The following KIAA1217 variants were observed in gnomAD, a reference collection of about 807,000 sequenced individuals.
KIAA1217 encodes the protein KIAA1217, also known as sickle tail protein homolog.
A neutral mutation model predicts 163.9 loss-of-function variants in KIAA1217; 88 were observed. That is an observed-to-expected ratio of 0.54 (90% CI 0.45 to 0.64). KIAA1217 has a LOEUF of 0.64. Among genes scored for constraint, KIAA1217 ranks in the 30% least tolerant of loss-of-function variants. KIAA1217 has a pLI of 0.00. For synonymous variants in KIAA1217, 903 were observed against 923.1 expected (o/e 0.98, Z 0.39); for missense variants, 2,372 against 2,475.0 (o/e 0.96, Z 0.88).
chr10:23,842,968 T>C (rs1392748690), intron 1 of KIAA1217, among the ~76,000 whole-genome samples: 1 of 152,172 alleles, frequency 6.6e-6, no homozygotes, highest in African/African-American at 2.4e-5. Flanking sequence ...TAAAAATTAT[T>C]ATCTTGGTTT....
chr10:23,861,386 G>C (rs1839943216), intron 1 of KIAA1217, among the ~76,000 whole-genome samples: 1 of 152,202 alleles, frequency 6.6e-6, no homozygotes, highest in South Asian at 2.1e-4. Flanking sequence ...TAAGCAGTGA[G>C]ATAGGCAGAA....
intron 2 of KIAA1217, among the ~76,000 whole-genome samples, chr10:24,042,802 A>C (rs1261969740): frequency 6.6e-6 from 1 of 152,206 alleles, no homozygotes; most frequent in African/African-American, 2.4e-5. Flanking sequence ...TCATAATCCA[A>C]TCATATTCAA....
chr10:24,419,743 G>A (rs2058579599), intron 3 of KIAA1217, among the ~76,000 whole-genome samples: 1 of 152,114 alleles, frequency 6.6e-6, no homozygotes, highest in East Asian at 1.9e-4. Flanking sequence ...CTTTGCCAGA[G>A]CTAACCACAT....
intron 2 of KIAA1217, among the ~76,000 whole-genome samples, chr10:24,059,202 C>T (rs1230595046): frequency 6.6e-6 from 1 of 152,048 alleles, no homozygotes; most frequent in Non-Finnish European, 1.5e-5. Context: ...TATGCTCCAC[C>T]ATCCTTGCAC....
chr10:23,882,770 A>G (rs1189979638), intron 1 of KIAA1217, among the ~76,000 whole-genome samples: 1 of 151,976 alleles, frequency 6.6e-6, no homozygotes, highest in Non-Finnish European at 1.5e-5. Context: ...CTAGGGTTCA[A>G]GTGTGTTTAT....
At chr10:23,920,307 CTT>C (rs1432575173) in intron 1 of KIAA1217, among the ~76,000 whole-genome samples, 1 of 152,194 alleles carries the variant, frequency 6.6e-6, no homozygotes, top group Non-Finnish European at 1.5e-5. Flanking sequence ...ACATCGGACA[CTT>C]TTGCTTTAGT....
chr10:24,500,393 T>TGC (rs1174415684), intron 8 of KIAA1217, among the ~76,000 whole-genome samples: 1 of 133,798 alleles, frequency 7.5e-6, no homozygotes, highest in African/African-American at 2.9e-5. Context: ...CAGAAGAGTG[T>TGC]GTGCGTGTGT....
At chr10:24,252,964 G>T (rs7099238) in intron 2 of KIAA1217, among the ~76,000 whole-genome samples, 10,519 of 151,238 alleles carry the variant, frequency 0.07, 602 homozygotes, top group East Asian at 0.19. Flanking sequence ...ACCAGCCTGG[G>T]TAATATAGCG....
intron 2 of KIAA1217, among the ~76,000 whole-genome samples, chr10:24,380,209 A>G (rs2053105438): frequency 6.6e-6 from 1 of 152,180 alleles, no homozygotes; most frequent in Admixed American, 6.5e-5. Flanking sequence ...ATACAGTCCC[A>G]TCTGTTGTGA....
At chr10:24,477,704 A>G (rs2064195918) in intron 6 of KIAA1217, among the ~76,000 whole-genome samples, 1 of 152,250 alleles carries the variant, frequency 6.6e-6, no homozygotes, top group South Asian at 2.1e-4. Context: ...GTATATTAGC[A>G]CAATTATGCA....
chr10:24,538,795 C>A (rs1007653105), intron 17 of KIAA1217, among the ~76,000 whole-genome samples: 2 of 127,958 alleles, frequency 1.6e-5, no homozygotes, highest in African/African-American at 5.8e-5. Context: ...ATTGCTGTGA[C>A]GTGGTCTCGG....
chr10:24,264,374 C>G (rs2076004091), intron 2 of KIAA1217, among the ~76,000 whole-genome samples: 1 of 151,836 alleles, frequency 6.6e-6, no homozygotes, highest in Admixed American at 6.6e-5. Context: ...GAACACATAC[C>G]AAAATGGAAA....
At chr10:24,361,013 G>A (rs898975461) in intron 2 of KIAA1217, among the ~76,000 whole-genome samples, 7 of 151,734 alleles carry the variant, frequency 4.6e-5, no homozygotes, top group African/African-American at 1.7e-4. Context: ...GATATTCTAG[G>A]AATGTTAGAA....
intron 1 of KIAA1217, among the ~76,000 whole-genome samples, chr10:23,827,100 G>A (rs1837931639): frequency 6.6e-6 from 1 of 152,172 alleles, no homozygotes; most frequent in Non-Finnish European, 1.5e-5. Context: ...TTATAGGACA[G>A]GTGCAGTGTG....
Position 24,029,717 on chromosome 10 carries a change from AAGATCTT to A in KIAA1217, c.-171+22344_-171+22350del, listed in dbSNP as rs200949944. Among the ~76,000 whole-genome samples, 687 of 152,350 alleles carry A rather than the reference AAGATCTT, an allele frequency of 4.5e-3. 5 individuals are homozygous for A. Among genetic ancestry groups the A allele is most frequent in the Non-Finnish European group, 7.1e-3 (484 of 68,028 alleles). ...AAGGAGCCAGAAGACAAGTTCTGAA[AAGATCTT>A]CTCAGAGTCTTTATGAGACCATTTG... On this transcript the variant is annotated intron_variant, in intron 2 of 18. Coordinates refer to the KIAA1217 transcript ENST00000376462.
At chr10:24,435,899 C>T (rs146042760) in intron 4 of KIAA1217, among the ~76,000 whole-genome samples, 3 of 151,314 alleles carry the variant, frequency 2.0e-5, no homozygotes, top group East Asian at 1.9e-4. Flanking sequence ...TTCACTCGGT[C>T]GCCCAGGTTG....
intron 1 of KIAA1217, among the ~76,000 whole-genome samples, chr10:23,770,066 A>G (rs951074033): frequency 6.6e-6 from 1 of 152,222 alleles, no homozygotes; most frequent in Non-Finnish European, 1.5e-5. Context: ...ATCCTTCTCC[A>G]TGTACAATGG....
In KIAA1217 at chr10:24,530,795, C is replaced by A. The variant is rs181853533; in HGVS notation, c.3083-1035C>A. On this transcript the variant is annotated intron_variant, in intron 14 of 20. Transcript: ENST00000376454. ...CACCTGCAGTTCCAGCTACTCTGGG[C>A]TGGGGCAGGAAGATTGCTTGAGCCC... 5.1e-3 allele frequency among the ~76,000 whole-genome samples: 780 copies of A among 152,194 alleles called. 5 individuals are homozygous for A. Among genetic ancestry groups the A allele is most frequent in the Non-Finnish European group, 8.4e-3 (571 of 68,008 alleles).
chr10:24,136,689 T>G (rs1390149238), intron 2 of KIAA1217, among the ~76,000 whole-genome samples: 1 of 152,164 alleles, frequency 6.6e-6, no homozygotes, highest in African/African-American at 2.4e-5. Flanking sequence ...CCTCCTGACT[T>G]TAGAATCTCA....
Sources: gnomAD v4.1 joint callset for allele counts (sites outside exome capture counted in the v4.1 genomes callset) on GRCh38, gnomAD v4.1.1 for gene constraint, MANE v1.5 for transcripts, NCBI Gene and HGNC (gene_info 2026-07-23, HGNC 2026-07-21) for gene names.